KAZN: variants seen among roughly 807,000 people sequenced by gnomAD.
KAZN encodes kazrin.
KAZN carries 40 observed loss-of-function variants against 87.4 expected under a neutral mutation model. The observed-to-expected ratio is 0.46, with a 90% confidence interval of 0.36 to 0.60. The LOEUF is 0.60. Ranked by LOEUF, KAZN falls within the 20% of genes least tolerant of loss-of-function variation. The pLI is 0.00. For synonymous variants in KAZN, 466 were observed against 458.3 expected (o/e 1.02, Z -0.22); for missense variants, 898 against 1,073.9 (o/e 0.84, Z 2.29).
At chr1:14,345,823 C>T (rs1344283253) in intron 2 of KAZN, among the ~76,000 whole-genome samples, 1 of 152,000 alleles carries the variant, frequency 6.6e-6, no homozygotes, top group Admixed American at 6.6e-5. Context: ...CTGGATAATA[C>T]CTAAATTTTT....
chr1:14,082,039 TGCTGGG>T (rs1643692990), intron 1 of KAZN, among the ~76,000 whole-genome samples: 1 of 152,178 alleles, frequency 6.6e-6, no homozygotes, highest in Non-Finnish European at 1.5e-5. Flanking sequence ...CCTCTCAAAG[TGCTGGG>T]ATTACAGGCA....
Position 14,384,105 on chromosome 1 carries a change from G to T in KAZN, c.249+203513G>T, listed in dbSNP as rs549656798. The stretch of plus-strand genomic sequence containing the variant: ...GTGAATGGGAGTTCACTCATGATTT[G>T]GCTCTCTGTTTGTCTGTTATTGGTG... On this transcript the variant is annotated intron_variant, in intron 2 of 16. Transcript: ENST00000636203. Among the ~76,000 whole-genome samples the T allele has an allele frequency of 1.4e-4, 21 of 150,966 alleles. No individual in the cohort carries two copies. In the South Asian group the frequency reaches 3.6e-3, roughly 26 times the overall value.
intron 1 of KAZN, among the ~76,000 whole-genome samples, chr1:14,886,706 G>A (rs1423259058): frequency 2.6e-5 from 4 of 151,996 alleles, no homozygotes; most frequent in East Asian, 1.9e-4. Context: ...CGGGAGAATC[G>A]CTTGAACCCA....
At chr1:14,061,047 A>G (rs79947740) in intron 1 of KAZN, among the ~76,000 whole-genome samples, 8,077 of 152,266 alleles carry the variant, frequency 0.053, 587 homozygotes, top group African/African-American at 0.16. Flanking sequence ...CTTTTCTCCT[A>G]GAGAAAAATC....
chr1:14,470,524 C>T (rs978966565), intron 2 of KAZN, among the ~76,000 whole-genome samples: 1 of 152,270 alleles, frequency 6.6e-6, no homozygotes, highest in East Asian at 1.9e-4. Context: ...AAATGTTGCA[C>T]TAAGTGAAGA....
chr1:14,527,410 G>C (rs567826164), intron 2 of KAZN, among the ~76,000 whole-genome samples: 1 of 152,066 alleles, frequency 6.6e-6, no homozygotes, highest in Non-Finnish European at 1.5e-5. Context: ...TTAGCCAGGC[G>C]TGGTGGCGGG....
chr1:14,613,629 G>A (rs752123290), intron 1 of KAZN, among the ~76,000 whole-genome samples: 11 of 152,114 alleles, frequency 7.2e-5, no homozygotes, highest in African/African-American at 1.2e-4. Context: ...TTACAGCTTC[G>A]GTATTGCATA....
In KAZN at chr1:14,761,873, C is replaced by T. The variant is rs141664491; in HGVS notation, c.226+162650C>T. On this transcript the variant is annotated intron_variant, in intron 1 of 14. Coordinates refer to ENST00000376030, the MANE Select transcript of KAZN (RefSeq NM_201628.3). The stretch of plus-strand genomic sequence containing the variant: ...AAAGAGGGATTTAGGAGTTACTTAA[C>T]ATCTGGGTGGCAGAGTCTTTTTTTT... Among the ~76,000 whole-genome samples the T allele has an allele frequency of 3.0e-3, 449 of 148,986 alleles. 5 individuals carry two copies. Among genetic ancestry groups the T allele is most frequent in the African/African-American group, 0.011 (431 of 40,040 alleles).
At chr1:14,168,500 T>C (rs1557531485) in intron 1 of KAZN, among the ~76,000 whole-genome samples, 1 of 152,168 alleles carries the variant, frequency 6.6e-6, no homozygotes, top group Non-Finnish European at 1.5e-5. Context: ...TGTGTTCCAT[T>C]AGAGGTGGCC....
intron 2 of KAZN, among the ~76,000 whole-genome samples, chr1:14,364,055 C>A (rs564311492): frequency 6.6e-6 from 1 of 151,320 alleles, no homozygotes; most frequent in Non-Finnish European, 1.5e-5. Flanking sequence ...GCCTCAGTAC[C>A]GTTTTCATGT....
At chr1:14,912,208 A>G (rs577312378) in intron 1 of KAZN, among the ~76,000 whole-genome samples, 4 of 151,702 alleles carry the variant, frequency 2.6e-5, no homozygotes, top group African/African-American at 9.7e-5. Context: ...CAGCCAACAG[A>G]ACAAGCATCC....
At chr1:14,836,966 T>C (rs918856687) in intron 1 of KAZN, among the ~76,000 whole-genome samples, 1 of 152,130 alleles carries the variant, frequency 6.6e-6, no homozygotes, top group African/African-American at 2.4e-5. Flanking sequence ...GTAACCGCCT[T>C]CCTGAATTCT....
At chr1:14,738,146 C>T (rs1643968712) in intron 1 of KAZN, among the ~76,000 whole-genome samples, 1 of 152,148 alleles carries the variant, frequency 6.6e-6, no homozygotes, top group South Asian at 2.1e-4. Flanking sequence ...ACACCATGCA[C>T]CCAGCTCCAT....
intron 2 of KAZN, among the ~76,000 whole-genome samples, chr1:14,300,086 T>A (rs547803076): frequency 1.3e-5 from 2 of 152,154 alleles, no homozygotes; most frequent in East Asian, 1.9e-4. Flanking sequence ...GCAAAGGTGC[T>A]GTGGCAGGAA....
intron 1 of KAZN, among the ~76,000 whole-genome samples, chr1:14,114,110 G>C (rs2101681044): frequency 6.6e-6 from 1 of 152,350 alleles, no homozygotes; most frequent in East Asian, 1.9e-4. Context: ...TTTTAGAAAC[G>C]CTGAGCCCCA....
chr1:14,213,177 T>C (rs1046752307), intron 2 of KAZN, among the ~76,000 whole-genome samples: 1 of 152,234 alleles, frequency 6.6e-6, no homozygotes, highest in Non-Finnish European at 1.5e-5. Context: ...AAATCATTTA[T>C]GTTTTTCCAG....
chr1:14,004,111 A>AC (rs1288614893), intron 1 of KAZN, among the ~76,000 whole-genome samples: 1 of 151,992 alleles, frequency 6.6e-6, no homozygotes, highest in Non-Finnish European at 1.5e-5. Context: ...TGCCCAAAAA[A>AC]AAAGCAAATG....
At chr1:13,898,393 C>A (rs1031321603) in intron 1 of KAZN, among the ~76,000 whole-genome samples, 2 of 152,226 alleles carry the variant, frequency 1.3e-5, no homozygotes, top group Admixed American at 6.5e-5. Context: ...GTGGGGACTT[C>A]ATCTATTGTG....
intron 1 of KAZN, among the ~76,000 whole-genome samples, chr1:14,022,479 T>G (rs532267640): frequency 1.3e-3 from 127 of 97,978 alleles, no homozygotes; most frequent in African/African-American, 5.0e-3. Flanking sequence ...TTTCACGTAT[T>G]TAAAGCAAAA....
Sources: allele counts gnomAD v4.1 joint callset (sites outside exome capture counted in the v4.1 genomes callset), GRCh38; gene constraint gnomAD v4.1.1; transcripts MANE v1.5; gene names NCBI Gene and HGNC (gene_info 2026-07-23, HGNC 2026-07-21).